HIVEP3: variants seen among roughly 807,000 people sequenced by gnomAD.
HIVEP3 encodes transcription factor HIVEP3.
A neutral mutation model predicts 152.8 loss-of-function variants in HIVEP3; 49 were observed. The ratio of observed to expected loss-of-function variants is 0.32; its 90% CI spans 0.26 to 0.41. HIVEP3 has a LOEUF of 0.41. Ranked by LOEUF, HIVEP3 falls within the 10% of genes least tolerant of loss-of-function variation. The pLI is 1.00. For synonymous variants in HIVEP3, 1,269 were observed against 1,289.0 expected (o/e 0.98, Z 0.33); for missense variants, 2,790 against 3,103.3 (o/e 0.90, Z 2.40).
At chr1:41,673,157 G>C (rs1322591516) in intron 2 of HIVEP3, among the ~76,000 whole-genome samples, 1 of 152,122 alleles carries the variant, frequency 6.6e-6, no homozygotes, top group African/African-American at 2.4e-5. Context: ...CCCTCCCTAG[G>C]GGCCCAGCCT....
At chr1:41,613,995 T>C (rs1162029347) in intron 3 of HIVEP3, among the ~76,000 whole-genome samples, 1 of 152,268 alleles carries the variant, frequency 6.6e-6, no homozygotes, top group Non-Finnish European at 1.5e-5. Flanking sequence ...TTTCCTGGTG[T>C]TTCTCACAGC....
At chr1:41,826,890 C>T (rs556688851) in intron 1 of HIVEP3, among the ~76,000 whole-genome samples, 52 of 152,300 alleles carry the variant, frequency 3.4e-4, no homozygotes, top group African/African-American at 1.3e-3. Context: ...AGCTGGCCAC[C>T]TTAACTCACT....
chr1:41,647,000 G>A (rs1015856636), intron 2 of HIVEP3, among the ~76,000 whole-genome samples: 1 of 152,126 alleles, frequency 6.6e-6, no homozygotes, highest in Non-Finnish European at 1.5e-5. Context: ...TCAATGGCCA[G>A]GTCAAGTCTT....
In HIVEP3 at chr1:41,846,105, G is replaced by C. The variant is rs544478430; in HGVS notation, c.-801+72308C>G. ...TAAAAAGTAAACTGGAAAAACCAAC[G>C]CACGAATAACATTCATTCCTCAGCT... On this transcript the variant is annotated intron_variant, in intron 1 of 8. Coordinates refer to ENST00000372583, the MANE Select transcript of HIVEP3 (RefSeq NM_024503.5). 2.0e-5 allele frequency among the ~76,000 whole-genome samples: 3 copies of C among 152,104 alleles called. No individual in the cohort carries two copies. The South Asian group carries it at 6.2e-4, about 32-fold the overall frequency.
intron 1 of HIVEP3, among the ~76,000 whole-genome samples, chr1:41,710,544 G>C (rs1171186502): frequency 1.3e-5 from 2 of 152,114 alleles, no homozygotes; most frequent in East Asian, 3.9e-4. Flanking sequence ...CTCTTCCAAT[G>C]GCTGGTCCCC....
intron 1 of HIVEP3, among the ~76,000 whole-genome samples, chr1:41,926,668 G>A (rs1644969922): frequency 6.6e-6 from 1 of 151,924 alleles, no homozygotes. Context: ...TTCCCCCATC[G>A]TGAAGTTTTA....
intron 1 of HIVEP3, among the ~76,000 whole-genome samples, chr1:41,739,720 T>G (rs1646969827): frequency 6.6e-6 from 1 of 152,218 alleles, no homozygotes; most frequent in Non-Finnish European, 1.5e-5. Context: ...TGCTTCCAGA[T>G]AACCCTGTAA....
intron 5 of HIVEP3, among the ~76,000 whole-genome samples, chr1:41,544,672 C>A (rs1173849731): frequency 7.6e-6 from 1 of 131,602 alleles, no homozygotes; most frequent in Non-Finnish European, 1.6e-5. Context: ...ACTACCACCA[C>A]CACCACCTCT....
rs1558045492 is a variant in HIVEP3, at chr1:41,544,672, CCACCACCTCTACCACCACTGCTACCAT to C, written c.5208-19789_5208-19763del. Among the ~76,000 whole-genome samples, 8 of 131,722 alleles carry C rather than the reference CCACCACCTCTACCACCACTGCTACCAT, an allele frequency of 6.1e-5. No homozygotes were observed. In the South Asian group the frequency reaches 1.3e-3, roughly 21 times the overall value. The allele number at this position is 131,722 out of a possible 152,430, so 86.4% of individuals were successfully genotyped here. ...ACCACTACCACCACTACTACCACCA[CCACCACCTCTACCACCACTGCTACCAT>C]CACCACCACCACTACCACCTGTACC... is the stretch of plus-strand genomic sequence containing the variant. On this transcript the variant is annotated intron_variant, in intron 5 of 8. Coordinates refer to ENST00000372583, the MANE Select transcript of HIVEP3 (RefSeq NM_024503.5).
At chr1:41,768,030 C>G (rs1029961984) in intron 1 of HIVEP3, among the ~76,000 whole-genome samples, 1 of 152,196 alleles carries the variant, frequency 6.6e-6, no homozygotes, top group African/African-American at 2.4e-5. Context: ...GATGAAGAAA[C>G]GGAGGCCAAA....
chr1:42,022,879 T>A (rs556348850), intron 1 of HIVEP3, among the ~76,000 whole-genome samples: 1 of 152,318 alleles, frequency 6.6e-6, no homozygotes, highest in South Asian at 2.1e-4. Flanking sequence ...TGGTGAGATA[T>A]AATGATGAAT....
chr1:41,530,678 C>A (rs1304189453), intron 5 of HIVEP3, among the ~76,000 whole-genome samples: 2 of 152,216 alleles, frequency 1.3e-5, no homozygotes, highest in African/African-American at 4.8e-5. Flanking sequence ...CTAGCCTTCA[C>A]CCTGCTGATC....
chr1:41,942,194 G>A (rs777803649), intron 1 of HIVEP3, among the ~76,000 whole-genome samples: 1 of 152,134 alleles, frequency 6.6e-6, no homozygotes, highest in Non-Finnish European at 1.5e-5. Flanking sequence ...GTGGATGTAC[G>A]ATGTCTTTCT....
At chr1:41,791,375 T>A (rs1296243485) in intron 1 of HIVEP3, among the ~76,000 whole-genome samples, 1 of 152,230 alleles carries the variant, frequency 6.6e-6, no homozygotes, top group Non-Finnish European at 1.5e-5. Flanking sequence ...CCCTTGCAGC[T>A]TAGGTGACTA....
chr1:42,012,716 GAA>G (rs1645500592), intron 1 of HIVEP3, among the ~76,000 whole-genome samples: 1 of 151,934 alleles, frequency 6.6e-6, no homozygotes, highest in Non-Finnish European at 1.5e-5. Context: ...AAAATAAAGA[GAA>G]GAGGAAGAGA....
In HIVEP3 at chr1:41,575,684, G is replaced by A. The variant is rs758607053; in HGVS notation, c.5067C>T (p.His1689=). ...CTTCCGGGGAAACCAGTGAAGGGAG[G>A]TGAACCTGGCCCACCGCAGGAATGA... is the stretch of plus-strand genomic sequence containing the variant. ...SSRKPRMTEV[H]LPSLVSPEGQ... is the part of the protein sequence containing the mutation. The change falls in exon 5 of 9, where the codon CAC becomes CAT. Residue 1689 remains histidine (H), a synonymous_variant. Transcript: ENST00000372583. The A allele has an allele frequency of 1.9e-6, 3 of 1,613,922 alleles. No individual in the cohort carries two copies. In the Middle Eastern group the frequency reaches 4.9e-4, roughly 266 times the overall value.
chr1:41,796,616 C>T (rs1432724324), intron 1 of HIVEP3, among the ~76,000 whole-genome samples: 2 of 152,252 alleles, frequency 1.3e-5, no homozygotes, highest in African/African-American at 2.4e-5. Flanking sequence ...AGTTCAAATC[C>T]ACGGTCCATC....
intron 5 of HIVEP3, among the ~76,000 whole-genome samples, chr1:41,527,041 CA>C (rs1201501535): frequency 2.1e-5 from 2 of 96,402 alleles, no homozygotes; most frequent in Admixed American, 9.9e-5. Context: ...CACCCTCACA[CA>C]CCCTCTTCCT....
chr1:41,945,313 T>A (rs1570833223), intron 1 of HIVEP3, among the ~76,000 whole-genome samples: 1 of 152,174 alleles, frequency 6.6e-6, no homozygotes, highest in Admixed American at 6.5e-5. Flanking sequence ...CTCCAAGCTG[T>A]GGGAGGAGGA....
Sources: allele counts gnomAD v4.1 joint callset (sites outside exome capture counted in the v4.1 genomes callset), GRCh38; gene constraint gnomAD v4.1.1; transcripts MANE v1.5; gene names NCBI Gene and HGNC (gene_info 2026-07-23, HGNC 2026-07-21).